The following OR4Q3 variants were observed in gnomAD, a reference collection of about 807,000 sequenced individuals.
OR4Q3 encodes olfactory receptor 4Q3.
A neutral mutation model predicts 18.8 loss-of-function variants in OR4Q3; 17 were observed. That is an observed-to-expected ratio of 0.91 (90% CI 0.62 to 1.36). OR4Q3 has a LOEUF of 1.36. Ranked by LOEUF, OR4Q3 falls within the 40% of genes most tolerant of loss-of-function variation. The probability of loss-of-function intolerance (pLI) is 0.00; values close to 1 mark genes in which losing one functional copy is unlikely to be tolerated. For synonymous variants in OR4Q3, 158 were observed against 145.8 expected (o/e 1.08, Z -0.60); for missense variants, 378 against 373.4 (o/e 1.01, Z -0.10).
exon 2 of OR4Q3, chr14:19,748,486 A>G: frequency 1.3e-6 from 1 of 774,076 alleles, no homozygotes; most frequent in East Asian, 2.7e-5. Flanking sequence ...GAGATAGCAT[A>G]AAGATTATAA....
downstream of OR4Q3, among the ~76,000 whole-genome samples, chr14:19,750,314 A>T: frequency 6.6e-6 from 1 of 152,214 alleles, no homozygotes; most frequent in Non-Finnish European, 1.5e-5. Context: ...ATACCTGTAT[A>T]GGAGCTTCAG....
intron 1 of OR4Q3, among the ~76,000 whole-genome samples, 167 bp downstream of exon 1, chr14:19,743,838 C>T (rs1594361247): frequency 6.6e-6 from 1 of 152,250 alleles, no homozygotes; most frequent in African/African-American, 2.4e-5. Flanking sequence ...TAAATTTACT[C>T]TTAGAAACAT....
chr14:19,749,792 CTT>C, downstream of OR4Q3, among the ~76,000 whole-genome samples: 2 of 77,400 alleles, frequency 2.6e-5, no homozygotes, highest in Non-Finnish European at 6.3e-5. Flanking sequence ...CTCTTTCTTT[CTT>C]TCTCTCTCTT....
exon 2 of OR4Q3, chr14:19,748,197 T>C: frequency 3.1e-6 from 5 of 1,614,134 alleles, no homozygotes; most frequent in Non-Finnish European, 4.2e-6. Flanking sequence ...CCATGCGTAT[T>C]CATCTATTTG....
At chr14:19,747,334 T>C in intron 1 of OR4Q3, 72 bp from the exon 2 acceptor site, 1 of 713,526 alleles carries the variant, frequency 1.4e-6, no homozygotes, top group Non-Finnish European at 2.2e-6. Flanking sequence ...ATATATTATA[T>C]ACTATATGTA....
At chr14:19,748,161 T>C in exon 2 of OR4Q3, 3 of 1,613,998 alleles carry the variant, frequency 1.9e-6, no homozygotes, top group Non-Finnish European at 2.5e-6. Flanking sequence ...GCTTCTCACC[T>C]GACAGTGGTC....
exon 2 of OR4Q3, chr14:19,748,383 G>A: frequency 1.0e-5 from 16 of 1,563,902 alleles, no homozygotes; most frequent in South Asian, 3.5e-5. Flanking sequence ...ATGAGCAGAA[G>A]AGGTGATTTG....
chr14:19,747,637 T>C, exon 2 of OR4Q3: 4 of 1,614,064 alleles, frequency 2.5e-6, no homozygotes, highest in Middle Eastern at 1.7e-4. Flanking sequence ...TCTCTTTCAT[T>C]GACCTATGCC....
chr14:19,745,972 G>T, intron 1 of OR4Q3, among the ~76,000 whole-genome samples: 13,657 of 148,596 alleles, frequency 0.092, 64 homozygotes, highest in Middle Eastern at 0.15. Flanking sequence ...GGCATCCAAA[G>T]GTGGCTTGAG....
At chr14:19,747,959 T>C in exon 2 of OR4Q3, 1 of 1,614,072 alleles carries the variant, frequency 6.2e-7, no homozygotes, top group Non-Finnish European at 8.5e-7. Context: ...ACTGGACAAC[T>C]TCTACTGTGA....
chr14:19,745,524 TC>T, intron 1 of OR4Q3, among the ~76,000 whole-genome samples: 1 of 152,180 alleles, frequency 6.6e-6, no homozygotes, highest in African/African-American at 2.4e-5. Flanking sequence ...GATTATGTGT[TC>T]CCATTGTTTT....
At chr14:19,747,244 A>G in intron 1 of OR4Q3, among the ~76,000 whole-genome samples, 162 bp from the exon 2 acceptor site, 1 of 152,234 alleles carries the variant, frequency 6.6e-6, no homozygotes, top group African/African-American at 2.4e-5. Context: ...GAAATGAACA[A>G]AATTCCTCAT....
chr14:19,748,130 A>G lies in OR4Q3; in HGVS notation c.727A>G (p.Asn243Asp). 36 of 1,613,954 alleles carry G rather than the reference A, an allele frequency of 2.2e-5. No individual in the cohort carries two copies. The highest frequency in any genetic ancestry group is 1.6e-4 in the Middle Eastern group (1 of 6,080). Reference sequence around the variant, plus strand: ...GAGAACACACTTCTGCCAGGGCCAGAACAAGGTCTTCTCTACCTGTGCTTC... The same window carrying G: ...GAGAACACACTTCTGCCAGGGCCAGGACAAGGTCTTCTCTACCTGTGCTTC... Residue 243 changes from asparagine to aspartate, a missense_variant, in exon 2 of 2, where the codon AAC (asparagine) becomes GAC (aspartate). Coordinates refer to ENST00000642117, the Ensembl canonical transcript of OR4Q3.
chr14:19,746,326 T>C, intron 1 of OR4Q3, among the ~76,000 whole-genome samples: 1 of 152,214 alleles, frequency 6.6e-6, no homozygotes, highest in Non-Finnish European at 1.5e-5. Context: ...TTTCTGTTTG[T>C]AATCCAAGGT....
chr14:19,747,145 C>T, intron 1 of OR4Q3, among the ~76,000 whole-genome samples: 6 of 152,182 alleles, frequency 3.9e-5, no homozygotes, highest in Non-Finnish European at 7.4e-5. Flanking sequence ...GAAAGATTAG[C>T]ACTTATCACC....
At chr14:19,744,957 G>A in intron 1 of OR4Q3, among the ~76,000 whole-genome samples, 2 of 152,120 alleles carry the variant, frequency 1.3e-5, no homozygotes, top group Admixed American at 1.3e-4. Context: ...ACCAAATGTG[G>A]AAATGTTACT....
chr14:19,745,503 A>C, intron 1 of OR4Q3, among the ~76,000 whole-genome samples: 1 of 152,202 alleles, frequency 6.6e-6, no homozygotes, highest in African/African-American at 2.4e-5. Context: ...CTAAATTATA[A>C]CATTGTGTAG....
At chr14:19,749,755 TCTTTC>T, downstream of OR4Q3, among the ~76,000 whole-genome samples, 1 of 143,172 alleles carries the variant, frequency 7.0e-6, no homozygotes, top group African/African-American at 2.5e-5. Context: ...CTCTCTTTCT[TCTTTC>T]TCTCTTTTTC....
chr14:19,750,595 G>A, downstream of OR4Q3, among the ~76,000 whole-genome samples: 1 of 152,192 alleles, frequency 6.6e-6, no homozygotes, highest in African/African-American at 2.4e-5. Context: ...AGGATATACT[G>A]GAAAATTGCA....
Sources: allele counts gnomAD v4.1 joint callset (sites outside exome capture counted in the v4.1 genomes callset), GRCh38; gene constraint gnomAD v4.1.1; transcripts MANE v1.5; gene names NCBI Gene and HGNC (gene_info 2026-07-23, HGNC 2026-07-21).